Variants in MYT1L observed in about 807,000 individuals in gnomAD.
MYT1L encodes myelin transcription factor 1-like protein.
In MYT1L, 12 loss-of-function variants were observed where a neutral mutation model predicts 126.7. The ratio of observed to expected loss-of-function variants is 0.09; its 90% CI spans 0.06 to 0.15. The LOEUF (loss-of-function observed/expected upper bound fraction) is 0.15, where lower values mean the gene tolerates loss of function less well. MYT1L is among the 10% of genes least tolerant of loss of function. The probability of loss-of-function intolerance (pLI) is 1.00; values close to 1 mark genes in which losing one functional copy is unlikely to be tolerated. For synonymous variants in MYT1L, 541 were observed against 604.2 expected, an observed-to-expected ratio of 0.90 and a Z score of 1.53; for missense variants, 979 against 1,585.2, an observed-to-expected ratio of 0.62 and a Z score of 6.49.
chr2:1,983,838 G>A (rs916341850), intron 5 of MYT1L, among the ~76,000 whole-genome samples: 4 of 152,158 alleles, frequency 2.6e-5, no homozygotes, highest in African/African-American at 7.2e-5. Flanking sequence ...ACTGGAGAAA[G>A]TTCACCTCAG....
intron 3 of MYT1L, among the ~76,000 whole-genome samples, chr2:2,085,319 G>A (rs1028353572): frequency 6.6e-6 from 1 of 152,106 alleles, no homozygotes; most frequent in Non-Finnish European, 1.5e-5. Flanking sequence ...AAGCAGTTGA[G>A]TACACCTGTC....
chr2:1,983,195 G>A (rs925596529), intron 5 of MYT1L, among the ~76,000 whole-genome samples: 8 of 152,122 alleles, frequency 5.3e-5, no homozygotes, highest in Admixed American at 4.6e-4. Flanking sequence ...TCCTTCCAGT[G>A]CAATCCTGTT....
chr2:2,056,286 G>A (rs1057510654), intron 3 of MYT1L, among the ~76,000 whole-genome samples: 3 of 152,140 alleles, frequency 2.0e-5, no homozygotes, highest in African/African-American at 7.2e-5. Context: ...CCAGGCGTGA[G>A]GACACACCCT....
intron 1 of MYT1L, chr2:2,326,589 C>T (rs2668832): frequency 0.019 from 2,885 of 151,750 alleles, 49 homozygotes; most frequent in Non-Finnish European, 0.028. Context: ...ATAATCACCA[C>T]GTGGGGAGCA....
chr2:1,963,687 A>C (rs2059132717), intron 8 of MYT1L, among the ~76,000 whole-genome samples: 1 of 152,240 alleles, frequency 6.6e-6, no homozygotes, highest in Non-Finnish European at 1.5e-5. Flanking sequence ...TTATGGAGAC[A>C]GATTCTTCCC....
At chr2:2,097,380 C>T (rs919405293) in intron 3 of MYT1L, among the ~76,000 whole-genome samples, 11 of 152,248 alleles carry the variant, frequency 7.2e-5, no homozygotes, top group African/African-American at 2.4e-4. Flanking sequence ...TTCCTGTGGG[C>T]TCTTTGGGTC....
chr2:1,905,749 T>C (rs2050968807), intron 13 of MYT1L, among the ~76,000 whole-genome samples: 1 of 152,222 alleles, frequency 6.6e-6, no homozygotes. Context: ...AATGTGAAAT[T>C]TTAGCAGATA....
intron 1 of MYT1L, among the ~76,000 whole-genome samples, chr2:2,302,981 A>C (rs2149538042): frequency 6.6e-6 from 1 of 152,250 alleles, no homozygotes; most frequent in Non-Finnish European, 1.5e-5. Flanking sequence ...TCATTCAATA[A>C]ATTATTCAAC....
intron 1 of MYT1L, among the ~76,000 whole-genome samples, chr2:2,308,542 C>T (rs1414109763): frequency 6.6e-6 from 1 of 151,936 alleles, no homozygotes; most frequent in African/African-American, 2.4e-5. Context: ...TATATTCTAC[C>T]CATACTCCAC....
intron 19 of MYT1L, chr2:1,842,176 G>T (rs1318388799): frequency 6.6e-6 from 1 of 152,192 alleles, no homozygotes; most frequent in Non-Finnish European, 1.5e-5. Context: ...TAGTTTTCTT[G>T]GTCAGTTCTG....
chr2:1,967,671 A>G (rs1339441375), intron 8 of MYT1L, among the ~76,000 whole-genome samples: 3 of 152,226 alleles, frequency 2.0e-5, no homozygotes, highest in Non-Finnish European at 4.4e-5. Context: ...CAGGGACTTC[A>G]GGCCTGACTG....
intron 2 of MYT1L, among the ~76,000 whole-genome samples, chr2:2,281,199 TCTC>T (rs1408379714): frequency 6.6e-6 from 1 of 152,186 alleles, no homozygotes; most frequent in African/African-American, 2.4e-5. Flanking sequence ...GCTCAGCACT[TCTC>T]CTTCCTGTGA....
chr2:2,029,789 A>G (rs2066030523), intron 4 of MYT1L, among the ~76,000 whole-genome samples: 1 of 152,272 alleles, frequency 6.6e-6, no homozygotes, highest in Non-Finnish European at 1.5e-5. Flanking sequence ...TATAATTTAG[A>G]AAGTTATTGG....
chr2:1,886,954 G>A, intron 17 of MYT1L: 1 of 402,776 alleles, frequency 2.5e-6, no homozygotes, highest in East Asian at 3.6e-5. Context: ...GCACTTAAAG[G>A]GTTGACACAG....
rs1182467468 is a variant in MYT1L at position 2,060,781 on chromosome 2, C to CTTCCT, written c.-303-6663_-303-6659dup. On this transcript the variant is annotated intron_variant, in intron 3 of 24. Transcript: ENST00000647738. ...CTTCCTCTCTCCCTCCCTCTCTATT[C>CTTCCT]TTCCTTTCCTTTCCTTTCCTTTCCT... Among the ~76,000 whole-genome samples, 243 of 143,736 alleles carry CTTCCT rather than the reference C, an allele frequency of 1.7e-3. 1 individual carries two copies. The highest frequency in any genetic ancestry group is 3.6e-3 in the African/African-American group (140 of 38,838). The allele number at this position is 143,736 out of a possible 152,430, so 94.3% of individuals were successfully genotyped here. A position where few individuals can be genotyped will look rare whatever the true frequency, so the allele number is the denominator to read the frequency against.
chr2:2,177,997 A>G (rs1457408747), intron 2 of MYT1L, among the ~76,000 whole-genome samples: 2 of 152,172 alleles, frequency 1.3e-5, no homozygotes, highest in African/African-American at 4.8e-5. Flanking sequence ...GACAACTAAG[A>G]AAAACTTTCA....
intron 19 of MYT1L, 119 bp downstream of exon 19, chr2:1,851,522 G>T: frequency 1.1e-6 from 1 of 912,686 alleles, no homozygotes; most frequent in Non-Finnish European, 1.8e-6. Context: ...AGAGTCTCTA[G>T]ATCCTTAATT....
chr2:2,184,071 G>C (rs1453876806), intron 2 of MYT1L, among the ~76,000 whole-genome samples: 1 of 148,834 alleles, frequency 6.7e-6, no homozygotes, highest in East Asian at 2.1e-4. Flanking sequence ...AAAGGGGAGA[G>C]AGAAACAGAG....
intron 12 of MYT1L, 99 bp downstream of exon 12, chr2:1,911,920 TG>T: frequency 2.3e-6 from 2 of 878,254 alleles, no homozygotes; most frequent in Non-Finnish European, 3.4e-6. Context: ...GGGAGCACGG[TG>T]GGGAGCACCA....
Sources: gnomAD v4.1 joint callset for allele counts (sites outside exome capture counted in the v4.1 genomes callset) on GRCh38, gnomAD v4.1.1 for gene constraint, MANE v1.5 for transcripts, NCBI Gene and HGNC (gene_info 2026-07-23, HGNC 2026-07-21) for gene names.